The following ADGRL2 variants were observed in gnomAD, a reference collection of about 807,000 sequenced individuals.
The protein encoded by ADGRL2 is adhesion G protein-coupled receptor L2, also known as calcium-independent alpha-latrotoxin receptor 2.
A neutral mutation model predicts 157.4 loss-of-function variants in ADGRL2; 44 were observed. The ratio of observed to expected loss-of-function variants is 0.28; its 90% confidence interval spans 0.22 to 0.36. The LOEUF (loss-of-function observed/expected upper bound fraction) is 0.36, where lower values mean the gene tolerates loss of function less well. ADGRL2 is among the 10% of genes least tolerant of loss of function. The pLI is 1.00. For synonymous variants in ADGRL2, 585 were observed against 624.7 expected, an observed-to-expected ratio of 0.94 and a Z score of 0.95; for missense variants, 1,510 against 1,768.9, an observed-to-expected ratio of 0.85 and a Z score of 2.63.
At chr1:81,936,472 T>C (rs1037496252) in intron 3 of ADGRL2, among the ~76,000 whole-genome samples, 2 of 151,922 alleles carry the variant, frequency 1.3e-5, no homozygotes, top group African/African-American at 4.8e-5. Context: ...TGTATAACAA[T>C]GATAGGAAAC....
chr1:81,526,649 GA>G (rs1294365947), intron 2 of ADGRL2, among the ~76,000 whole-genome samples: 2 of 152,140 alleles, frequency 1.3e-5, no homozygotes, highest in African/African-American at 4.8e-5. Context: ...TTTTCTCTGG[GA>G]GGGAGATTTT....
At chr1:81,747,699 GTT>G (rs1343283543) in intron 1 of ADGRL2, among the ~76,000 whole-genome samples, 1 of 91,010 alleles carries the variant, frequency 1.1e-5, no homozygotes, top group African/African-American at 5.0e-5. Context: ...TTCCTTTAAT[GTT>G]TGTGTGTGTG....
intron 2 of ADGRL2, among the ~76,000 whole-genome samples, chr1:81,778,017 A>C (rs1358292885): frequency 6.6e-6 from 1 of 151,776 alleles, no homozygotes; most frequent in Non-Finnish European, 1.5e-5. Context: ...AGTTATGAAC[A>C]CACATAAAAA....
In ADGRL2 at chr1:81,320,600, A is replaced by T. The variant is rs114668430; in HGVS notation, c.-302+14091A>T. Among the ~76,000 whole-genome samples the T allele has an allele frequency of 1.4e-3, 211 of 152,330 alleles. 1 individual carries two copies. Among genetic ancestry groups the T allele is most frequent in the Middle Eastern group, 3.4e-3 (1 of 294 alleles). On this transcript the variant is annotated intron_variant, in intron 1 of 24. Coordinates refer to the ADGRL2 transcript ENST00000370721. ...AACATTCATTTCTTTGTGCATCTTCATCAGAGCTCTCAGCTGACCAGGTAC... is the reference window on the plus strand; with the variant it reads ...AACATTCATTTCTTTGTGCATCTTCTTCAGAGCTCTCAGCTGACCAGGTAC...
chr1:81,354,581 A>T (rs185422485), intron 1 of ADGRL2, among the ~76,000 whole-genome samples: 2 of 152,270 alleles, frequency 1.3e-5, no homozygotes, highest in East Asian at 3.9e-4. Flanking sequence ...AAAACAGCAC[A>T]TCACTCATCT....
rs77871729 is a variant in ADGRL2 at position 81,531,756 on chromosome 1, G to A, written c.-247-49120G>A. 7.8e-3 allele frequency among the ~76,000 whole-genome samples: 1,185 copies of A among 152,272 alleles called. 2 individuals carry two copies. The highest frequency in any genetic ancestry group is 0.011 in the Non-Finnish European group (766 of 68,014). ...TTGATTTCAGGTTAGGGCTAGGATC[G>A]TGTCTAGAATGAAGGGCCTATATTA... is the stretch of plus-strand genomic sequence containing the variant. On this transcript the variant is annotated intron_variant, in intron 2 of 24. Coordinates refer to the ADGRL2 transcript ENST00000370721.
intron 1 of ADGRL2, among the ~76,000 whole-genome samples, chr1:81,421,605 C>T (rs775424558): frequency 6.6e-6 from 1 of 152,094 alleles, no homozygotes; most frequent in South Asian, 2.1e-4. Context: ...GTCTTGCCCA[C>T]GTGAGTATTT....
At chr1:81,734,168 C>T (rs887397152) in intron 1 of ADGRL2, among the ~76,000 whole-genome samples, 4 of 150,056 alleles carry the variant, frequency 2.7e-5, no homozygotes, top group Admixed American at 2.0e-4. Flanking sequence ...CCCAGCTACT[C>T]GGAAGGCTGA....
chr1:81,697,735 G>C (rs185165000), upstream of ADGRL2, among the ~76,000 whole-genome samples: 2 of 152,282 alleles, frequency 1.3e-5, no homozygotes, highest in Admixed American at 6.5e-5. Flanking sequence ...AGTTGTAAGA[G>C]GTTTGATTAA....
intron 2 of ADGRL2, among the ~76,000 whole-genome samples, chr1:81,871,150 G>A (rs998426053): frequency 2.2e-5 from 3 of 136,102 alleles, no homozygotes; most frequent in Non-Finnish European, 4.5e-5. Flanking sequence ...TGTTCTCACT[G>A]TTCAGTTCCC....
intron 17 of ADGRL2, among the ~76,000 whole-genome samples, chr1:81,973,793 T>C (rs568775987): frequency 7.6e-4 from 116 of 152,276 alleles, no homozygotes; most frequent in Non-Finnish European, 1.4e-3. Context: ...ACAGATCTTG[T>C]TGGAATTCTC....
At chr1:81,391,342 T>C (rs2076552225) in intron 1 of ADGRL2, among the ~76,000 whole-genome samples, 1 of 152,426 alleles carries the variant, frequency 6.6e-6, no homozygotes, top group Non-Finnish European at 1.5e-5. Flanking sequence ...ATAGAAGAGC[T>C]GCTCTGCGAT....
intron 1 of ADGRL2, among the ~76,000 whole-genome samples, chr1:81,821,517 A>T (rs1281675892): frequency 6.6e-6 from 1 of 152,004 alleles, no homozygotes; most frequent in African/African-American, 2.4e-5. Flanking sequence ...TCTTCTGGTG[A>T]CTTGTATTAA....
chr1:81,535,605 G>A (rs1357293425), intron 2 of ADGRL2, among the ~76,000 whole-genome samples: 3 of 152,174 alleles, frequency 2.0e-5, no homozygotes, highest in Non-Finnish European at 4.4e-5. Context: ...TAAGAGGAAA[G>A]CAGCAGACAG....
chr1:81,908,013 G>A (rs987042), intron 3 of ADGRL2, among the ~76,000 whole-genome samples: 5,725 of 152,162 alleles, frequency 0.038, 191 homozygotes, highest in Admixed American at 0.086. Flanking sequence ...TCATCAAGTC[G>A]TAGTGTGACG....
chr1:81,767,697 C>T (rs2086186737), intron 2 of ADGRL2, among the ~76,000 whole-genome samples: 1 of 151,606 alleles, frequency 6.6e-6, no homozygotes, highest in Non-Finnish European at 1.5e-5. Flanking sequence ...CATGGTGAAA[C>T]CCCATCTCTA....
intron 3 of ADGRL2, among the ~76,000 whole-genome samples, chr1:81,913,141 A>G (rs2094772172): frequency 6.6e-6 from 1 of 152,182 alleles, no homozygotes; most frequent in Admixed American, 6.5e-5. Flanking sequence ...TTCCCTTTCT[A>G]TACCCCATTC....
chr1:81,715,861 G>A (rs997245736), intron 1 of ADGRL2, among the ~76,000 whole-genome samples: 3 of 152,048 alleles, frequency 2.0e-5, no homozygotes, highest in Non-Finnish European at 4.4e-5. Context: ...ATAATTAATA[G>A]CTGAGGTTTT....
At chr1:81,739,092 C>G (rs1342030384) in intron 1 of ADGRL2, among the ~76,000 whole-genome samples, 1 of 152,152 alleles carries the variant, frequency 6.6e-6, no homozygotes, top group African/African-American at 2.4e-5. Flanking sequence ...CAGTATGAAC[C>G]AAACAGTAAA....
Sources: allele counts gnomAD v4.1 joint callset (sites outside exome capture counted in the v4.1 genomes callset), GRCh38; gene constraint gnomAD v4.1.1; transcripts MANE v1.5; gene names NCBI Gene and HGNC (gene_info 2026-07-23, HGNC 2026-07-21).